The following UPRT variants were observed in gnomAD, a reference collection of about 807,000 sequenced individuals.
UPRT encodes uracil phosphoribosyltransferase homolog.
Under a neutral mutation model 22.6 loss-of-function variants are expected in UPRT, and 5 were observed. The observed-to-expected ratio is 0.22, with a 90% confidence interval of 0.12 to 0.47. UPRT has a LOEUF of 0.47. Ranked by LOEUF, UPRT falls within the 20% of genes least tolerant of loss-of-function variation. The pLI, the probability that UPRT is intolerant of heterozygous loss-of-function variation, is 0.99. For synonymous variants in UPRT, 77 were observed against 87.7 expected, an observed-to-expected ratio of 0.88 and a Z score of 0.68; for missense variants, 181 against 239.9, an observed-to-expected ratio of 0.75 and a Z score of 1.62.
At chrX:75,255,022 G>A (rs182380561) in intron 4 of UPRT, among the ~76,000 whole-genome samples, 60 of 110,348 alleles carry the variant, frequency 5.4e-4, no homozygotes, top group Non-Finnish European at 2.7e-4. Flanking sequence ...TGATCCACCC[G>A]CCTCGGCCTC....
intron 4 of UPRT, among the ~76,000 whole-genome samples, chrX:75,174,169 C>T (rs1162355148): frequency 8.9e-6 from 1 of 112,019 alleles, no homozygotes; most frequent in Non-Finnish European, 1.9e-5. Context: ...CTCAATCCCC[C>T]CTCTAAACAG....
chrX:75,244,974 G>A (rs1373770931), intron 4 of UPRT, among the ~76,000 whole-genome samples: 1 of 110,766 alleles, frequency 9.0e-6, no homozygotes, highest in Non-Finnish European at 1.9e-5. Context: ...AAACTATCAA[G>A]AGAGTAAACA....
chrX:75,208,650 C>T (rs1210356083), intron 4 of UPRT, among the ~76,000 whole-genome samples: 1 of 111,523 alleles, frequency 9.0e-6, no homozygotes, highest in Non-Finnish European at 1.9e-5. Context: ...AGTGGTAAGA[C>T]CCATCTGTCT....
chrX:75,231,874 T>C lies in UPRT; in HGVS notation c.-446-59150T>C, dbSNP rs1288490510. Among the ~76,000 whole-genome samples the C allele has an allele frequency of 2.7e-5, 3 of 112,166 alleles. No individual in the cohort carries two copies. The East Asian group carries it at 8.4e-4, about 31-fold the overall frequency. ...ATAAATGAAGGAGAGATAAAGTCTT[T>C]CTCAGACACACAAATGCTAAGAGAA... is the stretch of plus-strand genomic sequence containing the variant. On this transcript the variant is annotated intron_variant, in intron 4 of 13. Coordinates refer to the UPRT transcript ENST00000652605.
At chrX:75,235,967 G>A (rs1156435591) in intron 4 of UPRT, among the ~76,000 whole-genome samples, 7 of 110,942 alleles carry the variant, frequency 6.3e-5, no homozygotes, top group Admixed American at 9.7e-5. Flanking sequence ...GCAGGAGAAG[G>A]AAATAAAGGG....
At chrX:75,254,498 C>T (rs1223598716) in intron 4 of UPRT, among the ~76,000 whole-genome samples, 2 of 111,787 alleles carry the variant, frequency 1.8e-5, no homozygotes, top group Admixed American at 9.5e-5. Context: ...TTTAAGAAAA[C>T]ATAAACAAAG....
chrX:75,273,468 A>C (rs1456269274), upstream of UPRT, among the ~76,000 whole-genome samples: 1 of 111,494 alleles, frequency 9.0e-6, no homozygotes, highest in Non-Finnish European at 1.9e-5. Flanking sequence ...ACTGCCCTAG[A>C]CACTCTTACC....
chrX:75,156,802 G>A, intron 1 of UPRT: 1 of 324,456 alleles, frequency 3.1e-6, no homozygotes, highest in Admixed American at 3.2e-5. Flanking sequence ...AAGATTTACT[G>A]CTTTTCTGTC....
At chrX:75,285,853 A>AT (rs1163934020) in intron 1 of UPRT, among the ~76,000 whole-genome samples, 1 of 110,370 alleles carries the variant, frequency 9.1e-6, no homozygotes, top group Non-Finnish European at 1.9e-5. Context: ...ACATAATATT[A>AT]TTTTTTTTAA....
chrX:75,274,249 C>T lies in UPRT; in HGVS notation c.-6C>T. The T allele has an allele frequency of 1.7e-6, 2 of 1,191,731 alleles. No individual in the cohort carries two copies. Among genetic ancestry groups the T allele is most frequent in the South Asian group, 1.8e-5 (1 of 54,361 alleles). Reference sequence around the variant, plus strand: ...GTAGCAGCGGGGATAGCCCGGGGCCCGGTGTATGGCCACGGAGTTACAGTG... The same window carrying T: ...GTAGCAGCGGGGATAGCCCGGGGCCTGGTGTATGGCCACGGAGTTACAGTG... On this transcript the variant is annotated 5_prime_UTR_variant, in exon 1 of 7. Transcript: ENST00000373383.
intron 4 of UPRT, among the ~76,000 whole-genome samples, chrX:75,262,006 AG>A (rs1333589322): frequency 8.9e-6 from 1 of 111,751 alleles, no homozygotes; most frequent in Admixed American, 9.5e-5. Flanking sequence ...GTTGAAATGA[AG>A]GAAAAAATGT....
chrX:75,241,435 A>T lies in UPRT; in HGVS notation c.-446-49589A>T, dbSNP rs2082488114. Reference sequence around the variant, plus strand: ...AAATAAATAAATAATACATGTTGGCATGGATGTGGTGAAAAGGGAACACTT... The same window carrying T: ...AAATAAATAAATAATACATGTTGGCTTGGATGTGGTGAAAAGGGAACACTT... On this transcript the variant is annotated intron_variant, in intron 4 of 13. Coordinates refer to the UPRT transcript ENST00000652605. Among the ~76,000 whole-genome samples the T allele has an allele frequency of 2.7e-5, 3 of 111,727 alleles. No homozygotes were observed. The Admixed American group carries it at 2.9e-4, about 11-fold the overall frequency.
intron 4 of UPRT, among the ~76,000 whole-genome samples, chrX:75,192,987 T>A (rs2082320908): frequency 8.9e-6 from 1 of 112,129 alleles, no homozygotes; most frequent in South Asian, 3.8e-4. Flanking sequence ...TATTGATATG[T>A]GTGAATTTGA....
At chrX:75,158,482 T>C (rs1178352276) in intron 1 of UPRT, among the ~76,000 whole-genome samples, 1 of 112,028 alleles carries the variant, frequency 8.9e-6, no homozygotes, top group Non-Finnish European at 1.9e-5. Flanking sequence ...AGATAGGTAT[T>C]ATTTATTAAT....
intron 4 of UPRT, among the ~76,000 whole-genome samples, chrX:75,203,993 G>A (rs1389337620): frequency 9.1e-6 from 1 of 110,408 alleles, no homozygotes; most frequent in East Asian, 2.8e-4. Context: ...CAGGGTTTGG[G>A]TTTTTAAGCA....
intron 1 of UPRT, 135 bp downstream of exon 1, chrX:75,274,775 GGTGTGTGTGTGTGTGTGTGTGT>G (rs201034223): frequency 2.2e-5 from 8 of 361,669 alleles, no homozygotes; most frequent in Non-Finnish European, 3.6e-5. Flanking sequence ...CCTTTTATTT[GGTGTGTGTGTGTGTGTGTGTGT>G]GTGTGTGTGT....
At chrX:75,253,575 A>G (rs2082539302) in intron 4 of UPRT, among the ~76,000 whole-genome samples, 1 of 111,941 alleles carries the variant, frequency 8.9e-6, no homozygotes, top group African/African-American at 3.2e-5. Flanking sequence ...AGGCAGGAGT[A>G]GATTGCAGTG....
At chrX:75,190,360 C>T (rs766768975) in intron 4 of UPRT, among the ~76,000 whole-genome samples, 30 of 112,012 alleles carry the variant, frequency 2.7e-4, no homozygotes, top group South Asian at 7.5e-4. Flanking sequence ...GTTAGTCTGA[C>T]GGGCTTTCGT....
At chrX:75,232,350 G>C (rs1174734693) in intron 4 of UPRT, among the ~76,000 whole-genome samples, 1 of 112,737 alleles carries the variant, frequency 8.9e-6, no homozygotes, top group Non-Finnish European at 1.9e-5. Flanking sequence ...CAAGGCAGCA[G>C]CGAGGCTGGG....
Sources: gnomAD v4.1 joint callset for allele counts (sites outside exome capture counted in the v4.1 genomes callset) on GRCh38, gnomAD v4.1.1 for gene constraint, MANE v1.5 for transcripts, NCBI Gene and HGNC (gene_info 2026-07-23, HGNC 2026-07-21) for gene names.